The following GATAD2B variants were observed in gnomAD, a reference collection of about 807,000 sequenced individuals.
GATAD2B encodes GATA zinc finger domain containing 2B, also known as transcriptional repressor p66-beta.
A neutral mutation model predicts 64.3 loss-of-function variants in GATAD2B; 8 were observed. That is an observed-to-expected ratio of 0.12 (90% CI 0.07 to 0.22). The LOEUF (loss-of-function observed/expected upper bound fraction) is 0.22, where lower values mean the gene tolerates loss of function less well. GATAD2B is among the 10% of genes least tolerant of loss of function. The probability of loss-of-function intolerance (pLI) is 1.00; values close to 1 mark genes in which losing one functional copy is unlikely to be tolerated. For synonymous variants in GATAD2B, 281 were observed against 271.3 expected (o/e 1.04, Z -0.35); for missense variants, 453 against 752.0 (o/e 0.60, Z 4.65).
At chr1:153,859,716 T>A (rs898499428) in intron 1 of GATAD2B, among the ~76,000 whole-genome samples, 2 of 151,794 alleles carry the variant, frequency 1.3e-5, no homozygotes, top group Non-Finnish European at 2.9e-5. Context: ...ATTACTTTTA[T>A]GAATAGAGTA....
chr1:153,896,789 T>C lies in GATAD2B; in HGVS notation c.-2+25944A>G, dbSNP rs149064341. ...AAGCAACTCCTAATACTGACTGAAATATTAACTACAGAGAGTTCAGGAGAT... is the reference window on the plus strand; with the variant it reads ...AAGCAACTCCTAATACTGACTGAAACATTAACTACAGAGAGTTCAGGAGAT... On this transcript the variant is annotated intron_variant, in intron 1 of 10. Coordinates refer to ENST00000368655, the MANE Select transcript of GATAD2B (RefSeq NM_020699.4). Among the ~76,000 whole-genome samples the C allele has an allele frequency of 3.9e-5, 6 of 152,142 alleles. No homozygotes were observed. The East Asian group carries it at 1.2e-3, about 29-fold the overall frequency.
At chr1:153,917,638 G>T (rs1293364352) in intron 1 of GATAD2B, among the ~76,000 whole-genome samples, 3 of 147,790 alleles carry the variant, frequency 2.0e-5, no homozygotes. Flanking sequence ...CATGTGATCC[G>T]CCCGCCTCAG....
At position 153,896,083 on chromosome 1, in the gene GATAD2B, C is replaced by T. The variant is rs376879587; in HGVS notation, c.-2+26650G>A. ...GAGGAAGTGGGAGGATCACTTGAGCCCAGTAGTTCTAGGCTGTAGTAAGCT... is the reference window on the plus strand; with the variant it reads ...GAGGAAGTGGGAGGATCACTTGAGCTCAGTAGTTCTAGGCTGTAGTAAGCT... On this transcript the variant is annotated intron_variant, in intron 1 of 10. Transcript: ENST00000368655. 2.0e-5 allele frequency among the ~76,000 whole-genome samples: 3 copies of T among 151,782 alleles called. No individual in the cohort carries two copies. The East Asian group carries it at 5.8e-4, about 29-fold the overall frequency.
chr1:153,824,972 G>C (rs916014234), intron 2 of GATAD2B, among the ~76,000 whole-genome samples: 9 of 152,236 alleles, frequency 5.9e-5, no homozygotes, highest in African/African-American at 2.2e-4. Flanking sequence ...TATAGTCCCA[G>C]CTACTTGGGT....
chr1:153,868,605 C>A (rs1223362679), intron 1 of GATAD2B, among the ~76,000 whole-genome samples: 1 of 152,104 alleles, frequency 6.6e-6, no homozygotes, highest in Non-Finnish European at 1.5e-5. Flanking sequence ...AAATATTCTT[C>A]ACCCTGCTCC....
intron 8 of GATAD2B, 57 bp from the exon 9 acceptor site, chr1:153,812,189 C>CTTT: frequency 1.3e-6 from 1 of 741,070 alleles, no homozygotes; most frequent in Non-Finnish European, 2.1e-6. Context: ...TACCCAATTT[C>CTTT]CTTTTTTTTT....
intron 1 of GATAD2B, among the ~76,000 whole-genome samples, chr1:153,856,864 T>C (rs900508619): frequency 6.6e-6 from 1 of 152,142 alleles, no homozygotes; most frequent in African/African-American, 2.4e-5. Flanking sequence ...AATTGAGCAG[T>C]ATGAAATGCA....
At chr1:153,815,280 C>CAAAACA (rs1674428829) in intron 7 of GATAD2B, among the ~76,000 whole-genome samples, 18 of 66,628 alleles carry the variant, frequency 2.7e-4, no homozygotes, top group Admixed American at 4.1e-4. Context: ...CTCAAAAAAA[C>CAAAACA]AAAAAAAAAA....
At chr1:153,821,813 G>C (rs1182880948) in intron 2 of GATAD2B, among the ~76,000 whole-genome samples, 1 of 151,064 alleles carries the variant, frequency 6.6e-6, no homozygotes, top group Admixed American at 6.6e-5. Context: ...TGATCTGCCT[G>C]CCTTGGCCTC....
At chr1:153,830,441 C>T (rs1042475196) in intron 1 of GATAD2B, among the ~76,000 whole-genome samples, 3 of 146,028 alleles carry the variant, frequency 2.1e-5, no homozygotes, top group Non-Finnish European at 3.0e-5. Flanking sequence ...CCACTGTGCC[C>T]GGCCTGTTTT....
At chr1:153,833,652 T>G (rs1675153517) in intron 1 of GATAD2B, among the ~76,000 whole-genome samples, 1 of 151,780 alleles carries the variant, frequency 6.6e-6, no homozygotes, top group Admixed American at 6.6e-5. Flanking sequence ...CCGTCTCTAC[T>G]AAAAATACAA....
chr1:153,815,511 C>T (rs542181685), intron 7 of GATAD2B, among the ~76,000 whole-genome samples: 135 of 151,774 alleles, frequency 8.9e-4, no homozygotes, highest in Non-Finnish European at 1.5e-3. Flanking sequence ...CCCCCTTCAC[C>T]GTAGTTGTTT....
At chr1:153,854,348 A>G (rs1005138451) in intron 1 of GATAD2B, among the ~76,000 whole-genome samples, 6 of 152,160 alleles carry the variant, frequency 3.9e-5, no homozygotes, top group Non-Finnish European at 1.5e-5. Flanking sequence ...GCTTGCAGTG[A>G]GCCGAGATCT....
At chr1:153,875,979 A>G (rs1676814001) in intron 1 of GATAD2B, among the ~76,000 whole-genome samples, 1 of 152,070 alleles carries the variant, frequency 6.6e-6, no homozygotes, top group African/African-American at 2.4e-5. Flanking sequence ...CTGTAATCCC[A>G]GCACTTTGAG....
rs572065630 is a variant in GATAD2B at position 153,849,693 on chromosome 1, T to C, written c.-1-21345A>G. ...TCACCCAGGCTGCAGTACAGTGGCG[T>C]GATCTTGGCTCACTGCAACCCCCTC... On this transcript the variant is annotated intron_variant, in intron 1 of 10. Transcript: ENST00000368655. 5.9e-5 allele frequency among the ~76,000 whole-genome samples: 9 copies of C among 152,280 alleles called. No individual in the cohort carries two copies. The South Asian group carries it at 1.7e-3, about 28-fold the overall frequency.
intron 1 of GATAD2B, among the ~76,000 whole-genome samples, chr1:153,843,864 GAAAACA>G (rs1675586169): frequency 6.7e-6 from 1 of 148,312 alleles, no homozygotes; most frequent in South Asian, 2.1e-4. Flanking sequence ...CAAGGGTTTT[GAAAACA>G]ATGGACATCA....
Position 153,812,149 on chromosome 1 carries a change from C to A in GATAD2B, c.1420-17G>T. 4.5e-6 allele frequency: 6 copies of A among 1,330,958 alleles called. No homozygotes were observed. Among genetic ancestry groups the A allele is most frequent in the Non-Finnish European group, 6.5e-6 (6 of 923,906 alleles). 82.4% of individuals were successfully genotyped at this position (1,330,958 alleles called of 1,614,324 possible). A position where few individuals can be genotyped will look rare whatever the true frequency, so the allele number is the denominator to read the frequency against. On this transcript the variant is annotated splice_polypyrimidine_tract_variant and intron_variant, in intron 8 of 10. Coordinates refer to ENST00000368655, the MANE Select transcript of GATAD2B (RefSeq NM_020699.4). ...TTCAATTTCCTGTTGGGAGTCATCA[C>A]ATCAGGTGATTGAGCAGGACAGCAC...
intron 1 of GATAD2B, among the ~76,000 whole-genome samples, chr1:153,878,825 TG>T (rs1040241406): frequency 7.0e-6 from 1 of 142,840 alleles, no homozygotes; most frequent in Admixed American, 7.6e-5. Context: ...TCGCCCAGGC[TG>T]GAGTGCAGTG....
At chr1:153,859,541 G>A (rs930585394) in intron 1 of GATAD2B, among the ~76,000 whole-genome samples, 2 of 151,644 alleles carry the variant, frequency 1.3e-5, no homozygotes, top group Non-Finnish European at 2.9e-5. Flanking sequence ...GTAGTGGCAC[G>A]AGCCTGTAAT....
Sources: gnomAD v4.1 joint callset for allele counts (sites outside exome capture counted in the v4.1 genomes callset) on GRCh38, gnomAD v4.1.1 for gene constraint, MANE v1.5 for transcripts, NCBI Gene and HGNC (gene_info 2026-07-23, HGNC 2026-07-21) for gene names.